Variants in TCTN1 observed in about 807,000 individuals in gnomAD.
TCTN1 encodes the protein tectonic-1.
In TCTN1, 58 loss-of-function variants were observed where a neutral mutation model predicts 65.8. The ratio of observed to expected loss-of-function variants is 0.88; its 90% confidence interval spans 0.71 to 1.10. The LOEUF (loss-of-function observed/expected upper bound fraction) is 1.10, where lower values mean the gene tolerates loss of function less well. Ranked by LOEUF, TCTN1 falls within the 50% of genes least tolerant of loss-of-function variation. The probability of loss-of-function intolerance (pLI) is 0.00; values close to 1 mark genes in which losing one functional copy is unlikely to be tolerated. For missense variants in TCTN1, 645 were observed against 719.4 expected (o/e 0.90, Z 1.18); for synonymous variants, 273 against 289.1 (o/e 0.94, Z 0.57).
intron 2 of TCTN1, among the ~76,000 whole-genome samples, chr12:110,624,108 G>T (rs2065650765): frequency 6.9e-6 from 1 of 143,932 alleles, no homozygotes; most frequent in Non-Finnish European, 1.5e-5. Context: ...TTTTTTTAGA[G>T]ACAAAATCTC....
Position 110,619,887 on chromosome 12 carries a change from G to A in TCTN1, c.272G>A (p.Cys91Tyr). Residue 91 changes from cysteine to tyrosine, a missense_variant, in exon 2 of 15, where the codon TGC becomes TAC. Cys to Tyr is a radical substitution (Grantham distance 194). Transcript: ENST00000397659. Reference protein sequence around the residue: ...DLSPAQCDINCCCDPDCSSVD... With the variant: ...DLSPAQCDINYCCDPDCSSVD... ...TCCCCAGCACAGTGTGACATCAACT[G>A]CTGCTGTGATCCCGACTGCAGCTCC... 1 of 1,614,114 alleles carries A rather than the reference G, an allele frequency of 6.2e-7. No individual in the cohort carries two copies. Among genetic ancestry groups the A allele is most frequent in the South Asian group, 1.1e-5 (1 of 91,080 alleles).
intron 6 of TCTN1, 76 bp from the exon 7 acceptor site, chr12:110,636,405 C>G (rs776142265): frequency 9.8e-7 from 1 of 1,017,512 alleles, no homozygotes; most frequent in East Asian, 2.5e-5. Context: ...CTCTTCAACT[C>G]GAGATCTGAA....
chr12:110,647,769 G>A lies in TCTN1; in HGVS notation c.1656G>A (p.Arg552=), dbSNP rs1248295755. ...SFPEANSGNE[R]TILISTAVTF... ...TACAGGCCAACTCAGGAAATGAAAGGACGATTCTTATTTCCACTGCGGTTA... is the reference window on the plus strand; with the variant it reads ...TACAGGCCAACTCAGGAAATGAAAGAACGATTCTTATTTCCACTGCGGTTA... Residue 552 remains arginine, a synonymous_variant, in exon 14 of 15, where the codon AGG becomes AGA. Coordinates refer to ENST00000397659, the MANE Select transcript of TCTN1 (RefSeq NM_001082538.3). 6.2e-7 allele frequency: 1 copy of A among 1,614,082 alleles called. No homozygotes were observed. The highest frequency in any genetic ancestry group is 8.5e-7 in the Non-Finnish European group (1 of 1,180,060).
chr12:110,624,343 A>C (rs184099412), intron 2 of TCTN1, among the ~76,000 whole-genome samples: 35 of 151,370 alleles, frequency 2.3e-4, no homozygotes, highest in African/African-American at 8.3e-4. Context: ...CCTCCCAAGT[A>C]GTTAGTACTA....
chr12:110,643,068 A>ATT (rs372810344), intron 11 of TCTN1, among the ~76,000 whole-genome samples: 8 of 139,286 alleles, frequency 5.7e-5, no homozygotes, highest in East Asian at 4.2e-4. Flanking sequence ...ATATTTTTGA[A>ATT]TTTTTTTTTT....
chr12:110,644,707 C>A lies in TCTN1; in HGVS notation c.1332-260C>A. 2.0e-6 allele frequency: 1 copy of A among 499,768 alleles called. No homozygotes were observed. Among genetic ancestry groups the A allele is most frequent in the Admixed American group, 3.3e-5 (1 of 30,110 alleles). 31.0% of individuals were successfully genotyped at this position (499,768 alleles called of 1,614,324 possible). On this transcript the variant is annotated intron_variant, in intron 11 of 14. Coordinates refer to ENST00000397659, the MANE Select transcript of TCTN1 (RefSeq NM_001082538.3). The surrounding 1 kb of genome is among the most constrained non-coding windows in gnomAD (Gnocchi z 4.6). ...AAAACAAAAAAACCAAAAATCAAAA[C>A]TTAAAAAACAAAAAACTGCTGGTGG...
At chr12:110,629,352 C>A (rs577106938) in intron 4 of TCTN1, 65 of 177,890 alleles carry the variant, frequency 3.7e-4, no homozygotes, top group Admixed American at 2.9e-3. Flanking sequence ...ATCCATATGA[C>A]AAAGGGCTAA....
chr12:110,647,708 C>A (rs975205904), intron 13 of TCTN1, 41 bp from the exon 14 acceptor site: 24 of 1,613,910 alleles, frequency 1.5e-5, no homozygotes, highest in Non-Finnish European at 2.0e-5. Flanking sequence ...ATTCTGGGAG[C>A]ACACTGGAGG....
chr12:110,632,946 T>A (rs1358783748), intron 5 of TCTN1, among the ~76,000 whole-genome samples: 1 of 152,234 alleles, frequency 6.6e-6, no homozygotes, highest in Non-Finnish European at 1.5e-5. Context: ...GCACATATTG[T>A]GTGCTGGGTA....
At position 110,636,500 on chromosome 12, in the gene TCTN1, A is replaced by G; in HGVS notation, c.842A>G (p.Lys281Arg). 2.2e-6 allele frequency: 3 copies of G among 1,342,058 alleles called. No homozygotes were observed. Among genetic ancestry groups the G allele is most frequent in the Non-Finnish European group, 3.2e-6 (3 of 945,448 alleles). 83.1% of individuals were successfully genotyped at this position (1,342,058 alleles called of 1,614,324 possible). A position where few individuals can be genotyped will look rare whatever the true frequency, so the allele number is the denominator to read the frequency against. ...ATCTAGGTACCTGATTCAAGAAAAA[A>G]GGTAAGAGTATTTATTTATTTTTGT... ...EILRVPDSRK[K>R]VPITVQSIVI... is the part of the protein sequence containing the mutation. The change falls in exon 7 of 15, where the codon AAG becomes AGG. Residue 281 changes from lysine to arginine, a missense_variant and splice_region_variant. Transcript: ENST00000397659.
In TCTN1 at chr12:110,614,273, A is replaced by G; in HGVS notation, c.91A>G (p.Thr31Ala). The G allele has an allele frequency of 3.1e-6, 5 of 1,596,310 alleles. No homozygotes were observed. The highest frequency in any genetic ancestry group is 1.3e-5 in the African/African-American group (1 of 74,862). ...SAQTDATPAV[T>A]TEGLNSTEAA... ...CCAGACCGATGCCACCCCGGCGGTGACGACAGAGGGCCTCAACTCCACCGA... is the reference window on the plus strand; with the variant it reads ...CCAGACCGATGCCACCCCGGCGGTGGCGACAGAGGGCCTCAACTCCACCGA... The change falls in exon 1 of 15, where the codon ACG becomes GCG. Residue 31 changes from threonine to alanine, a missense_variant. Coordinates refer to ENST00000397659, the MANE Select transcript of TCTN1 (RefSeq NM_001082538.3).
chr12:110,641,187 A>G (rs1296989426), intron 9 of TCTN1, 38 bp downstream of exon 9: 1 of 1,613,758 alleles, frequency 6.2e-7, no homozygotes, highest in African/African-American at 1.3e-5. Flanking sequence ...TTTAATTGCC[A>G]AGTTAAAAAG....
intron 7 of TCTN1, among the ~76,000 whole-genome samples, chr12:110,638,152 G>A (rs1412414401): frequency 2.6e-5 from 4 of 152,146 alleles, no homozygotes; most frequent in Admixed American, 1.3e-4. Flanking sequence ...CAGGGATCTA[G>A]GTGGTCTGGC....
intron 1 of TCTN1, among the ~76,000 whole-genome samples, chr12:110,614,981 G>A (rs1287562583): frequency 6.6e-6 from 1 of 152,194 alleles, no homozygotes; most frequent in Non-Finnish European, 1.5e-5. Flanking sequence ...CACATTTAGT[G>A]GAAATATTTT....
intron 5 of TCTN1, among the ~76,000 whole-genome samples, chr12:110,633,584 C>T (rs1304680475): frequency 1.3e-5 from 2 of 151,292 alleles, no homozygotes; most frequent in African/African-American, 4.9e-5. Flanking sequence ...TTGCAGTGAG[C>T]TGAAATTGCA....
In TCTN1 at chr12:110,640,296, G is replaced by A. The variant is rs1593347825; in HGVS notation, c.844-87G>A. On this transcript the variant is annotated intron_variant, in intron 7 of 14. Coordinates refer to ENST00000397659, the MANE Select transcript of TCTN1 (RefSeq NM_001082538.3). This position sits in a 1 kb window ranked among gnomAD's most constrained non-coding sequence, Gnocchi z 4.9. Reference sequence around the variant, plus strand: ...CTTCCCCCTACTTGGCCATATATCAGGGGAGGTTTCTTTCCAGTTGGTTGG... The same window carrying A: ...CTTCCCCCTACTTGGCCATATATCAAGGGAGGTTTCTTTCCAGTTGGTTGG... 1 of 1,557,000 alleles carries A rather than the reference G, an allele frequency of 6.4e-7. No individual in the cohort carries two copies. The highest frequency in any genetic ancestry group is 8.8e-7 in the Non-Finnish European group (1 of 1,131,634).
chr12:110,622,491 T>C (rs575651909), intron 2 of TCTN1, among the ~76,000 whole-genome samples: 2 of 152,260 alleles, frequency 1.3e-5, no homozygotes, highest in Non-Finnish European at 2.9e-5. Flanking sequence ...AGGAATGGCA[T>C]CTAACTCAGC....
At chr12:110,616,923 A>T (rs2065078894) in intron 1 of TCTN1, 1 of 152,170 alleles carries the variant, frequency 6.6e-6, no homozygotes, top group African/African-American at 2.4e-5. Context: ...ATGCGATAGG[A>T]GGCAAGGGCA....
rs565485798 is a variant in TCTN1 at position 110,640,183 on chromosome 12, A to T, written c.844-200A>T. Among the ~76,000 whole-genome samples, 1 of 152,174 alleles carries T rather than the reference A, an allele frequency of 6.6e-6. No homozygotes were observed. Among genetic ancestry groups the T allele is most frequent in the Non-Finnish European group, 1.5e-5 (1 of 68,030 alleles). ...TAACTACTTTTAAAGTTTTGGTTAT[A>T]TCCTCTCAAGTATTTTCTTTGTGAA... On this transcript the variant is annotated intron_variant, in intron 7 of 14. Transcript: ENST00000397659. The surrounding 1 kb of genome is among the most constrained non-coding windows in gnomAD (Gnocchi z 4.9).
Sources: gnomAD v4.1 joint callset for allele counts (sites outside exome capture counted in the v4.1 genomes callset) on GRCh38, gnomAD v4.1.1 for gene constraint, Gnocchi (gnomAD v3.1) non-coding constraint, MANE v1.5 for transcripts, NCBI Gene and HGNC (gene_info 2026-07-23, HGNC 2026-07-21) for gene names.